PPP1R3A: variants seen among roughly 807,000 people sequenced by gnomAD.
PPP1R3A encodes RG1.
In PPP1R3A, 29 loss-of-function variants were observed where a neutral mutation model predicts 41.7. That is an observed-to-expected ratio of 0.70 (90% CI 0.52 to 0.95). The LOEUF is 0.95. Among genes scored for constraint, PPP1R3A ranks in the 40% least tolerant of loss-of-function variants. The pLI is 0.00. For missense variants in PPP1R3A, 1,352 were observed against 1,292.4 expected (o/e 1.05, Z -0.71); for synonymous variants, 485 against 453.4 (o/e 1.07, Z -0.89).
At position 113,891,601 on chromosome 7, in the gene PPP1R3A, C is replaced by T. The variant is rs745847873; in HGVS notation, c.783-9281G>A. 1.6e-4 allele frequency among the ~76,000 whole-genome samples: 25 copies of T among 152,090 alleles called. No homozygotes were observed. The East Asian group carries it at 3.7e-3, about 22-fold the overall frequency. On this transcript the variant is annotated intron_variant, in intron 1 of 3. Transcript: ENST00000284601. ...TTAAAAGTATCCTCTCTAAATACAA[C>T]GTACACTGGCATGATAATTTGCACC... is the stretch of plus-strand genomic sequence containing the variant.
chr7:113,886,460 C>T (rs1483760842), intron 1 of PPP1R3A, among the ~76,000 whole-genome samples: 2 of 152,118 alleles, frequency 1.3e-5, no homozygotes, highest in South Asian at 4.1e-4. Flanking sequence ...GATTGTGAGG[C>T]CTCACCAGCC....
chr7:113,881,834 A>G (rs1796699408), intron 3 of PPP1R3A, among the ~76,000 whole-genome samples: 1 of 152,090 alleles, frequency 6.6e-6, no homozygotes, highest in Non-Finnish European at 1.5e-5. Context: ...AATGAATGTC[A>G]TTAATTTACC....
chr7:113,913,914 G>T (rs1054751667), intron 1 of PPP1R3A, among the ~76,000 whole-genome samples: 1 of 151,852 alleles, frequency 6.6e-6, no homozygotes, highest in African/African-American at 2.4e-5. Flanking sequence ...TTTCCCTTGG[G>T]GCCTCTTCTT....
chr7:113,913,425 AG>A (rs1797284876), intron 1 of PPP1R3A, among the ~76,000 whole-genome samples: 1 of 152,128 alleles, frequency 6.6e-6, no homozygotes, highest in South Asian at 2.1e-4. Flanking sequence ...TGTTTTAGAA[AG>A]GAGTTCTCTC....
At position 113,885,750 on chromosome 7, in the gene PPP1R3A, CTTT is replaced by C. The variant is rs556983364; in HGVS notation, c.783-3433_783-3431del. Among the ~76,000 whole-genome samples, 174 of 149,920 alleles carry C rather than the reference CTTT, an allele frequency of 1.2e-3. 1 individual carries two copies. Among genetic ancestry groups the C allele is most frequent in the African/African-American group, 4.0e-3 (166 of 41,040 alleles). ...GTTCCAAAGTATAACAGAGGACATT[CTTT>C]TTATTAAGCTAAAAACTACCTATAT... On this transcript the variant is annotated intron_variant, in intron 1 of 3. Transcript: ENST00000284601.
chr7:113,914,365 C>A (rs1252425011), intron 1 of PPP1R3A, among the ~76,000 whole-genome samples: 1 of 152,076 alleles, frequency 6.6e-6, no homozygotes, highest in Non-Finnish European at 1.5e-5. Flanking sequence ...AAATGAATGC[C>A]TTTTTATCCC....
Position 113,918,286 on chromosome 7 carries a change from C to A in PPP1R3A, c.711G>T (p.Glu237Asp), listed in dbSNP as rs1224924936. 6.2e-7 allele frequency: 1 copy of A among 1,611,946 alleles called. No individual in the cohort carries two copies. The highest frequency in any genetic ancestry group is 1.3e-5 in the African/African-American group (1 of 74,756). ...YTFICQKKEQ[E>D]PEPVKPWKEV... ...CTTTCCATGGTTTTACAGGCTCCGG[C>A]TCTTGTTCTTTCTTTTGACAAATGA... Residue 237 changes from glutamate to aspartate, a missense_variant, in exon 1 of 4, where the codon GAG becomes GAT. Physicochemically the swap from Glu to Asp is conservative, Grantham distance 45 (BLOSUM62 2). Coordinates refer to ENST00000284601, the MANE Select transcript of PPP1R3A (RefSeq NM_002711.4).
chr7:113,888,352 C>T (rs145888583), intron 1 of PPP1R3A, among the ~76,000 whole-genome samples: 2 of 152,122 alleles, frequency 1.3e-5, no homozygotes, highest in Admixed American at 1.3e-4. Flanking sequence ...GCTCCTGAAA[C>T]ATTTCAGGCA....
intron 1 of PPP1R3A, among the ~76,000 whole-genome samples, chr7:113,888,330 G>A (rs1796822434): frequency 6.6e-6 from 1 of 152,100 alleles, no homozygotes; most frequent in Non-Finnish European, 1.5e-5. Context: ...GGAGCAGAAA[G>A]ACTAATCAGA....
rs1030791555 is a variant in PPP1R3A, at chr7:113,877,893, A to G, written c.3199T>C (p.Leu1067=). The G allele has an allele frequency of 1.2e-6, 2 of 1,612,674 alleles. No individual in the cohort carries two copies. The highest frequency in any genetic ancestry group is 1.7e-6 in the Non-Finnish European group (2 of 1,179,088). The change falls in exon 4 of 4, where the codon TTG becomes CTG. Residue 1067 remains leucine, a synonymous_variant. Coordinates refer to ENST00000284601, the MANE Select transcript of PPP1R3A (RefSeq NM_002711.4). ...EESQAQGNES[L]FSKYTNSKIP... ...TTAGAGTTGGTATATTTTGAAAACA[A>G]AGATTCGTTGCCTTGAGCTTGACTT...
intron 1 of PPP1R3A, among the ~76,000 whole-genome samples, chr7:113,888,121 G>A (rs1796817606): frequency 6.6e-6 from 1 of 152,192 alleles, no homozygotes; most frequent in South Asian, 2.1e-4. Context: ...GAATGCCAAG[G>A]GGTAGAATGA....
intron 1 of PPP1R3A, among the ~76,000 whole-genome samples, chr7:113,903,352 C>T (rs796422356): frequency 5.3e-5 from 8 of 151,586 alleles, no homozygotes; most frequent in African/African-American, 1.9e-4. Context: ...TAAAAAATGA[C>T]CTATAGAAGA....
At position 113,882,035 on chromosome 7, in the gene PPP1R3A, T is replaced by C. The variant is rs1796702019; in HGVS notation, c.966+4A>G. ...TCTAATACCGTGGCAACCAGAACACTTACCATCAACTCTAATTCTTTTTCA... is the reference window on the plus strand; with the variant it reads ...TCTAATACCGTGGCAACCAGAACACCTACCATCAACTCTAATTCTTTTTCA... On this transcript the variant is annotated splice_donor_region_variant and intron_variant, in intron 3 of 3. Transcript: ENST00000284601. The C allele has an allele frequency of 1.2e-6, 2 of 1,612,072 alleles. No homozygotes were observed. The highest frequency in any genetic ancestry group is 1.3e-5 in the African/African-American group (1 of 74,810).
intron 1 of PPP1R3A, among the ~76,000 whole-genome samples, chr7:113,894,393 AC>A (rs1405038555): frequency 2.6e-5 from 4 of 152,004 alleles, no homozygotes; most frequent in African/African-American, 7.2e-5. Flanking sequence ...GATACCATTA[AC>A]AAAAAACTCA....
chr7:113,900,938 A>C (rs935471665), intron 1 of PPP1R3A, among the ~76,000 whole-genome samples: 6 of 151,692 alleles, frequency 4.0e-5, no homozygotes, highest in South Asian at 2.1e-4. Flanking sequence ...ACAATGATTA[A>C]GTTTTTTTTT....
chr7:113,879,793 G>A lies in PPP1R3A; in HGVS notation c.1299C>T (p.Gly433=), dbSNP rs1231856985. The part of the protein sequence containing the change: ...SSDELVQLHT[G]SKEVLDDNAN... ...CATTATCATCCAGGACTTCTTTGCT[G>A]CCAGTATGTAATTGCACTAGTTCAT... Residue 433 remains glycine (G), a synonymous_variant, in exon 4 of 4, where the codon GGC becomes GGT. Coordinates refer to ENST00000284601, the MANE Select transcript of PPP1R3A (RefSeq NM_002711.4). 1 of 1,613,408 alleles carries A rather than the reference G, an allele frequency of 6.2e-7. No individual in the cohort carries two copies.
At chr7:113,894,014 G>T (rs549819158) in intron 1 of PPP1R3A, among the ~76,000 whole-genome samples, 1 of 151,866 alleles carries the variant, frequency 6.6e-6, no homozygotes, top group Non-Finnish European at 1.5e-5. Flanking sequence ...GTAGGTGGTG[G>T]TGTTTTTTTC....
intron 1 of PPP1R3A, among the ~76,000 whole-genome samples, chr7:113,909,950 G>C (rs147956925): frequency 2.6e-5 from 4 of 152,004 alleles, no homozygotes; most frequent in African/African-American, 9.7e-5. Flanking sequence ...CTGAGACTAC[G>C]TAACTTATAA....
chr7:113,893,724 C>A (rs1434688979), intron 1 of PPP1R3A, among the ~76,000 whole-genome samples: 1 of 123,352 alleles, frequency 8.1e-6, no homozygotes, highest in Admixed American at 8.3e-5. Context: ...TTATCTTCAT[C>A]TTTGCATAAA....
Sources: gnomAD v4.1 joint callset for allele counts (sites outside exome capture counted in the v4.1 genomes callset) on GRCh38, gnomAD v4.1.1 for gene constraint, MANE v1.5 for transcripts, NCBI Gene and HGNC (gene_info 2026-07-23, HGNC 2026-07-21) for gene names.